The following STX11 variants were observed in gnomAD, a reference collection of about 807,000 sequenced individuals.
The protein encoded by STX11 is syntaxin 11.
A neutral mutation model predicts 19.9 loss-of-function variants in STX11; 21 were observed. The observed-to-expected ratio is 1.06, with a 90% CI of 0.75 to 1.52. The LOEUF (loss-of-function observed/expected upper bound fraction) is 1.52. Ranked by LOEUF, STX11 falls within the 40% of genes most tolerant of loss-of-function variation. The probability of loss-of-function intolerance (pLI) is 0.00; values close to 1 mark genes in which losing one functional copy is unlikely to be tolerated. For synonymous variants in STX11, 193 were observed against 174.4 expected, an observed-to-expected ratio of 1.11 and a Z score of -0.84; for missense variants, 438 against 405.9, an observed-to-expected ratio of 1.08 and a Z score of -0.68.
At chr6:144,166,563 G>C (rs182399329) in intron 1 of STX11, among the ~76,000 whole-genome samples, 1 of 126,692 alleles carries the variant, frequency 7.9e-6, no homozygotes, top group African/African-American at 3.1e-5. Context: ...GTCTCACTCT[G>C]CGGCCCAGCT....
upstream of STX11, among the ~76,000 whole-genome samples, chr6:144,147,285 A>T (rs1800893781): frequency 6.6e-6 from 1 of 151,126 alleles, no homozygotes; most frequent in East Asian, 1.9e-4. The surrounding 1 kb of genome is among the most constrained non-coding windows in gnomAD (Gnocchi z 4.2). Flanking sequence ...CCCCACTAAA[A>T]CTCTTCTTAC....
At chr6:144,146,034 G>A (rs1800867579), upstream of STX11, among the ~76,000 whole-genome samples, 1 of 152,212 alleles carries the variant, frequency 6.6e-6, no homozygotes, top group Non-Finnish European at 1.5e-5. This position sits in a 1 kb window ranked among gnomAD's most constrained non-coding sequence, Gnocchi z 4.4. Context: ...GAACTAGCAT[G>A]AAAAAGAGAA....
At chr6:144,168,761 A>G (rs951410865) in intron 1 of STX11, among the ~76,000 whole-genome samples, 4 of 152,202 alleles carry the variant, frequency 2.6e-5, no homozygotes, top group African/African-American at 9.7e-5. Flanking sequence ...TCCTTTTGAA[A>G]ATCTTCTACA....
chr6:144,157,143 G>C (rs371728939), intron 1 of STX11, among the ~76,000 whole-genome samples: 1 of 152,172 alleles, frequency 6.6e-6, no homozygotes, highest in Non-Finnish European at 1.5e-5. Context: ...GTTTTTATTG[G>C]GAAGTGCTCT....
intron 1 of STX11, among the ~76,000 whole-genome samples, chr6:144,173,374 C>T (rs1801693994): frequency 6.6e-6 from 1 of 152,220 alleles, no homozygotes. Context: ...CACTTAGAGT[C>T]TTAGAGCTCA....
chr6:144,158,159 GT>G (rs1801225895), intron 1 of STX11, among the ~76,000 whole-genome samples: 1 of 152,032 alleles, frequency 6.6e-6, no homozygotes, highest in Non-Finnish European at 1.5e-5. Context: ...TATGCCTTTC[GT>G]GGTGACCAAC....
chr6:144,187,559 C>T lies in STX11; in HGVS notation c.*68C>T. 3 of 1,601,450 alleles carry T rather than the reference C, an allele frequency of 1.9e-6. No homozygotes were observed. Among genetic ancestry groups the T allele is most frequent in the East Asian group, 2.2e-5 (1 of 44,464 alleles). On this transcript the variant is annotated 3_prime_UTR_variant, in exon 2 of 2. Transcript: ENST00000367568. The surrounding 1 kb of genome is among the most constrained non-coding windows in gnomAD (Gnocchi z 5.6). ...CGCGCTGGGAAGGACGCACCAAAGCCGGGAGCTCTGCCCTGCAGGGAGTTG... is the reference window on the plus strand; with the variant it reads ...CGCGCTGGGAAGGACGCACCAAAGCTGGGAGCTCTGCCCTGCAGGGAGTTG...
upstream of STX11, among the ~76,000 whole-genome samples, chr6:144,149,098 C>T (rs1562652193): frequency 6.6e-6 from 1 of 152,172 alleles, no homozygotes; most frequent in Non-Finnish European, 1.5e-5. The surrounding 1 kb of genome is among the most constrained non-coding windows in gnomAD (Gnocchi z 5.1). Flanking sequence ...CGATTGTTGA[C>T]GTTGGCTTAG....
rs1802182509 is a variant in STX11, at chr6:144,190,280, T to C, written c.*2789T>C. On this transcript the variant is annotated 3_prime_UTR_variant, in exon 2 of 2. Transcript: ENST00000367568. Reference sequence around the variant, plus strand: ...CTGTCTGACTGAACCTTGGTTTTTCTGTGCTTCAGTTTCCTCATCTGTAAA... The same window carrying C: ...CTGTCTGACTGAACCTTGGTTTTTCCGTGCTTCAGTTTCCTCATCTGTAAA... 6.6e-6 allele frequency among the ~76,000 whole-genome samples: 1 copy of C among 152,228 alleles called. No individual in the cohort carries two copies. Among genetic ancestry groups the C allele is most frequent in the South Asian group, 2.1e-4 (1 of 4,834 alleles).
intron 1 of STX11, among the ~76,000 whole-genome samples, chr6:144,181,419 AC>A (rs1801908573): frequency 6.6e-6 from 1 of 151,806 alleles, no homozygotes; most frequent in Non-Finnish European, 1.5e-5. Flanking sequence ...ACATGGTGAA[AC>A]CCCATCTCTA....
At chr6:144,168,328 A>G (rs368756094) in intron 1 of STX11, among the ~76,000 whole-genome samples, 20 of 152,216 alleles carry the variant, frequency 1.3e-4, no homozygotes, top group East Asian at 1.2e-3. Context: ...TCTGTTATAC[A>G]TGCACGCTGC....
rs1278781919 is a variant in STX11, at chr6:144,172,689, T to C, written c.-5-13934T>C. 1.3e-5 allele frequency among the ~76,000 whole-genome samples: 2 copies of C among 152,142 alleles called. No individual in the cohort carries two copies. The highest frequency in any genetic ancestry group is 2.9e-5 in the Non-Finnish European group (2 of 68,034). The stretch of plus-strand genomic sequence containing the variant: ...CAGGATTCCCCGAAGTCTCATCAGA[T>C]TATAGTATTAGCCTCGAAGTCTAGA... On this transcript the variant is annotated intron_variant, in intron 1 of 1. Transcript: ENST00000367568. The surrounding 1 kb of genome is among the most constrained non-coding windows in gnomAD (Gnocchi z 4.2).
At position 144,185,339 on chromosome 6, in the gene STX11, G is replaced by A. The variant is rs79761410; in HGVS notation, c.-5-1284G>A. Among the ~76,000 whole-genome samples, 528 of 152,234 alleles carry A rather than the reference G, an allele frequency of 3.5e-3. 16 individuals are homozygous for A. In the East Asian group the frequency reaches 0.064, roughly 18 times the overall value. The stretch of plus-strand genomic sequence containing the variant: ...GAGACCAAGAACCCTGATAGATTGC[G>A]TAACCATTAAGTGTTACTACTTTTC... On this transcript the variant is annotated intron_variant, in intron 1 of 1. Transcript: ENST00000367568.
the STX11 span, among the ~76,000 whole-genome samples, chr6:144,144,705 C>T: frequency 6.6e-6 from 1 of 152,090 alleles, no homozygotes; most frequent in Non-Finnish European, 1.5e-5. Context: ...TTTAATTAGC[C>T]ATATGTGGCT....
At chr6:144,158,302 T>C (rs1442863279) in intron 1 of STX11, among the ~76,000 whole-genome samples, 2 of 152,218 alleles carry the variant, frequency 1.3e-5, no homozygotes, top group Non-Finnish European at 2.9e-5. Context: ...ATTCTTGATG[T>C]GGCCAACAGA....
Position 144,165,455 on chromosome 6 carries a change from C to CAA in STX11, c.-6+14762_-6+14763dup, listed in dbSNP as rs202244910. Among the ~76,000 whole-genome samples the CAA allele has an allele frequency of 5.0e-4, 68 of 137,106 alleles. No homozygotes were observed. Among genetic ancestry groups the CAA allele is most frequent in the African/African-American group, 1.4e-3 (55 of 38,442 alleles). The allele number at this position is 137,106 out of a possible 152,430, so 89.9% of individuals were successfully genotyped here. A position where few individuals can be genotyped will look rare whatever the true frequency, so the allele number is the denominator to read the frequency against. On this transcript the variant is annotated intron_variant, in intron 1 of 1. Coordinates refer to ENST00000367568, the MANE Select transcript of STX11 (RefSeq NM_003764.4). The surrounding 1 kb of genome is among the most constrained non-coding windows in gnomAD (Gnocchi z 5.8). ...GGGCAACAAGAACGAAACTCTGTCT[C>CAA]AAAAAAAAAAAGAAAAACAAAAAAG...
chr6:144,145,627 G>C (rs966757717), upstream of STX11, among the ~76,000 whole-genome samples: 1 of 152,192 alleles, frequency 6.6e-6, no homozygotes, highest in African/African-American at 2.4e-5. Context: ...AGGACATTAT[G>C]TTAAGTGAAA....
chr6:144,166,904 CTCTT>C (rs1236486827), intron 1 of STX11, among the ~76,000 whole-genome samples: 2 of 142,218 alleles, frequency 1.4e-5, no homozygotes, highest in East Asian at 4.5e-4. Flanking sequence ...GTCTACCTCT[CTCTT>C]TCTTTCTTTT....
the STX11 span, among the ~76,000 whole-genome samples, chr6:144,144,121 G>C: frequency 6.6e-6 from 1 of 152,166 alleles, no homozygotes; most frequent in Non-Finnish European, 1.5e-5. Context: ...TATTTATTGA[G>C]TGTCTCTAAT....
Sources: gnomAD v4.1 joint callset for allele counts (sites outside exome capture counted in the v4.1 genomes callset) on GRCh38, gnomAD v4.1.1 for gene constraint, Gnocchi (gnomAD v3.1) non-coding constraint, MANE v1.5 for transcripts, NCBI Gene and HGNC (gene_info 2026-07-23, HGNC 2026-07-21) for gene names.